Variants in SLC71A1 observed in about 807,000 individuals in gnomAD.
The protein encoded by SLC71A1 is hippocampus abundant gene transcript 1.
chr1:100,067,866 G>A, the SLC71A1 span: 34 of 814,344 alleles, frequency 4.2e-5, no homozygotes, highest in South Asian at 2.7e-4. Context: ...AAGAGAAAAG[G>A]GAGGGTGTGC....
the SLC71A1 span, chr1:100,082,515 T>C: frequency 5.4e-4 from 172 of 317,926 alleles, 4 homozygotes; most frequent in East Asian, 1.0e-2. Flanking sequence ...TTAGCAAATG[T>C]CTCTGCTACC....
chr1:100,076,458 T>C, the SLC71A1 span, among the ~76,000 whole-genome samples: 1 of 152,236 alleles, frequency 6.6e-6, no homozygotes, highest in Non-Finnish European at 1.5e-5. Context: ...TATTGTTTAT[T>C]AACCGCTGAT....
the SLC71A1 span, among the ~76,000 whole-genome samples, chr1:100,053,094 A>G: frequency 1.3e-5 from 2 of 152,198 alleles, no homozygotes; most frequent in South Asian, 2.1e-4. Context: ...TGGCATATCT[A>G]CTTTTTAGAA....
At chr1:100,043,212 A>T in the SLC71A1 span, 2 of 975,562 alleles carry the variant, frequency 2.1e-6, no homozygotes, top group South Asian at 9.5e-5. Flanking sequence ...AAGTAAAAAA[A>T]TGAATAGCTT....
the SLC71A1 span, among the ~76,000 whole-genome samples, chr1:100,065,382 A>C: frequency 1.3e-5 from 2 of 152,224 alleles, no homozygotes; most frequent in African/African-American, 2.4e-5. Flanking sequence ...CAAAAATGGC[A>C]TAGAAACAGA....
At chr1:100,075,224 G>T in the SLC71A1 span, among the ~76,000 whole-genome samples, 1 of 152,244 alleles carries the variant, frequency 6.6e-6, no homozygotes, top group Non-Finnish European at 1.5e-5. Context: ...ACTGAGCTGG[G>T]AGTTGATGCT....
the SLC71A1 span, among the ~76,000 whole-genome samples, chr1:100,069,863 C>T: frequency 6.6e-6 from 1 of 152,014 alleles, no homozygotes; most frequent in Admixed American, 6.5e-5. Context: ...GGGACTGACA[C>T]ATTTAATATA....
chr1:100,060,021 G>T, the SLC71A1 span: 1 of 1,576,040 alleles, frequency 6.3e-7, no homozygotes, highest in Non-Finnish European at 8.6e-7. Context: ...TGCACATTTA[G>T]ATTATAGCAA....
At chr1:100,048,156 A>G in the SLC71A1 span, among the ~76,000 whole-genome samples, 1 of 152,086 alleles carries the variant, frequency 6.6e-6, no homozygotes, top group Admixed American at 6.5e-5. Flanking sequence ...ATGGTGGACA[A>G]AACAGGTTTA....
chr1:100,073,135 A>G, the SLC71A1 span, among the ~76,000 whole-genome samples: 1 of 152,156 alleles, frequency 6.6e-6, no homozygotes, highest in Non-Finnish European at 1.5e-5. Flanking sequence ...TCAGCCCATC[A>G]AATGATACTT....
the SLC71A1 span, chr1:100,061,717 T>G: frequency 1.5e-6 from 1 of 686,148 alleles, no homozygotes; most frequent in Admixed American, 2.7e-5. Context: ...CCATGAACTA[T>G]CCTAGTAAGC....
chr1:100,069,789 G>C, the SLC71A1 span: 1 of 765,904 alleles, frequency 1.3e-6, no homozygotes, highest in Admixed American at 2.1e-5. Context: ...ACAAAGTCAG[G>C]AGTCTGAGGT....
chr1:100,048,776 G>A, the SLC71A1 span, among the ~76,000 whole-genome samples: 1 of 152,170 alleles, frequency 6.6e-6, no homozygotes. Flanking sequence ...GGTGGTTTCA[G>A]ATATCACATT....
the SLC71A1 span, among the ~76,000 whole-genome samples, chr1:100,049,245 A>C: frequency 6.6e-6 from 1 of 150,912 alleles, no homozygotes; most frequent in East Asian, 1.9e-4. Context: ...TCTCTTACAT[A>C]CTTTCGCTGG....
At chr1:100,076,069 T>C in the SLC71A1 span, among the ~76,000 whole-genome samples, 1 of 152,246 alleles carries the variant, frequency 6.6e-6, no homozygotes, top group Non-Finnish European at 1.5e-5. Flanking sequence ...AATATAATTC[T>C]ACATGGAACT....
chr1:100,075,020 A>C, the SLC71A1 span, among the ~76,000 whole-genome samples: 2 of 152,242 alleles, frequency 1.3e-5, no homozygotes, highest in African/African-American at 4.8e-5. Flanking sequence ...ACAAAGGGGA[A>C]GATAGTCATT....
chr1:100,067,456 G>A, the SLC71A1 span, among the ~76,000 whole-genome samples: 69 of 152,114 alleles, frequency 4.5e-4, no homozygotes, highest in African/African-American at 1.5e-3. Context: ...TCTCCATGTT[G>A]TCCAGGCTGT....
chr1:100,043,695 A>G, the SLC71A1 span, among the ~76,000 whole-genome samples: 1 of 152,180 alleles, frequency 6.6e-6, no homozygotes, highest in African/African-American at 2.4e-5. Flanking sequence ...TACCCAATAT[A>G]TAGTCTTTTA....
chr1:100,060,074 T>C, the SLC71A1 span: 2 of 1,388,632 alleles, frequency 1.4e-6, no homozygotes, highest in South Asian at 2.8e-5. Context: ...TGTTCCTTTA[T>C]TTCTTTCACT....
Sources: allele counts gnomAD v4.1 joint callset (sites outside exome capture counted in the v4.1 genomes callset), GRCh38; gene constraint gnomAD v4.1.1; transcripts MANE v1.5; gene names NCBI Gene and HGNC (gene_info 2026-07-23, HGNC 2026-07-21).